The following PCIF1 variants were observed in gnomAD, a reference collection of about 807,000 sequenced individuals.
PCIF1 encodes phosphorylated CTD interacting factor 1.
Under a neutral mutation model 86.9 loss-of-function variants are expected in PCIF1, and 12 were observed. The observed-to-expected ratio is 0.14, with a 90% CI of 0.09 to 0.22. PCIF1 has a LOEUF of 0.22. PCIF1 is among the 10% of genes least tolerant of loss of function. The pLI is 1.00. For missense variants in PCIF1, 701 were observed against 951.1 expected (o/e 0.74, Z 3.46); for synonymous variants, 397 against 372.0 (o/e 1.07, Z -0.77).
Position 45,947,946 on chromosome 20 carries a change from T to C in PCIF1, c.*191T>C. ...CAAGTCCCATGTATATAGGTCCTGA[T>C]GCCTTCCCAACCCCGCCCCTCACCC... On this transcript the variant is annotated 3_prime_UTR_variant, in exon 17 of 17. Transcript: ENST00000372409. This position sits in a 1 kb window ranked among gnomAD's most constrained non-coding sequence, Gnocchi z 5.4. 1.3e-6 allele frequency: 2 copies of C among 1,533,088 alleles called. No homozygotes were observed. Among genetic ancestry groups the C allele is most frequent in the African/African-American group, 1.4e-5 (1 of 72,968 alleles). The allele number at this position is 1,533,088 out of a possible 1,614,324, so 95.0% of individuals were successfully genotyped here.
chr20:45,940,338 T>C (rs2083458678), intron 4 of PCIF1, 137 bp from the exon 5 acceptor site: 1 of 1,118,700 alleles, frequency 8.9e-7, no homozygotes, highest in Non-Finnish European at 1.2e-6. Context: ...TGGAGCCCAG[T>C]GTTCTCTGCC....
At position 45,947,472 on chromosome 20, in the gene PCIF1, G is replaced by A; in HGVS notation, c.1883+34G>A. Reference sequence around the variant, plus strand: ...CAGGGAGGGCAGGGGAAGGAGGCTGGGCTGGCCAGGCCAGGCCCAGCCCCA... The same window carrying A: ...CAGGGAGGGCAGGGGAAGGAGGCTGAGCTGGCCAGGCCAGGCCCAGCCCCA... On this transcript the variant is annotated intron_variant, in intron 16 of 16. Coordinates refer to ENST00000372409, the MANE Select transcript of PCIF1 (RefSeq NM_022104.4). This position sits in a 1 kb window ranked among gnomAD's most constrained non-coding sequence, Gnocchi z 5.4. 1 of 1,613,226 alleles carries A rather than the reference G, an allele frequency of 6.2e-7. No individual in the cohort carries two copies. Among genetic ancestry groups the A allele is most frequent in the Non-Finnish European group, 8.5e-7 (1 of 1,179,882 alleles).
At position 45,937,554 on chromosome 20, in the gene PCIF1, G is replaced by C. The variant is rs146906657; in HGVS notation, c.-51G>C. On this transcript the variant is annotated 5_prime_UTR_variant, in exon 2 of 17. Transcript: ENST00000372409. ...GGGTCCATCCGGCTGGAGAAGAAAA[G>C]CCTCTCATGCTAACGTTGCAGACCC... 1.0e-5 allele frequency: 4 copies of C among 399,046 alleles called. No homozygotes were observed. In the East Asian group the frequency reaches 1.4e-4, roughly 14 times the overall value. The allele number at this position is 399,046 out of a possible 1,614,324, so 24.7% of individuals were successfully genotyped here.
chr20:45,942,636 A>G (rs1241481019), intron 7 of PCIF1, among the ~76,000 whole-genome samples: 2 of 151,122 alleles, frequency 1.3e-5, no homozygotes, highest in Admixed American at 6.6e-5. Flanking sequence ...TTCTTTTGAA[A>G]CAAGGTCTCG....
chr20:45,947,063 C>A lies in PCIF1; in HGVS notation c.1614-10C>A. On this transcript the variant is annotated splice_polypyrimidine_tract_variant and intron_variant, in intron 14 of 16. Transcript: ENST00000372409. This position sits in a 1 kb window ranked among gnomAD's most constrained non-coding sequence, Gnocchi z 5.4. ...CTGATGGGACTTAGAATGCTCACTC[C>A]TGTCCCCAGGCCCTGCCTAGACTTT... 6.2e-7 allele frequency: 1 copy of A among 1,602,994 alleles called. No individual in the cohort carries two copies. Among genetic ancestry groups the A allele is most frequent in the Non-Finnish European group, 8.5e-7 (1 of 1,171,776 alleles).
Position 45,947,890 on chromosome 20 carries a change from C to T in PCIF1, c.*135C>T, listed in dbSNP as rs2083549767. ...GTTCTGCCAGGGCTCCCCTCCCTGC[C>T]TGTCCCCAAGTCCTCACCTCAAACT... On this transcript the variant is annotated 3_prime_UTR_variant, in exon 17 of 17. Coordinates refer to ENST00000372409, the MANE Select transcript of PCIF1 (RefSeq NM_022104.4). This position sits in a 1 kb window ranked among gnomAD's most constrained non-coding sequence, Gnocchi z 5.4. 2.6e-6 allele frequency: 4 copies of T among 1,532,826 alleles called. No individual in the cohort carries two copies. The highest frequency in any genetic ancestry group is 3.5e-6 in the Non-Finnish European group (4 of 1,146,422). The allele number at this position is 1,532,826 out of a possible 1,614,324, so 95.0% of individuals were successfully genotyped here.
Position 45,940,466 on chromosome 20 carries a change from CT to C in PCIF1, c.250-8del. On this transcript the variant is annotated splice_polypyrimidine_tract_variant and splice_region_variant and intron_variant, in intron 4 of 16. Coordinates refer to ENST00000372409, the MANE Select transcript of PCIF1 (RefSeq NM_022104.4). ...CCTGGTTGCAACTCTGCTGGTCTCC[CT>C]CCACCAGTCGGACCCTTTGGGGCTG... 1 of 1,590,906 alleles carries C rather than the reference CT, an allele frequency of 6.3e-7. No homozygotes were observed. The highest frequency in any genetic ancestry group is 8.6e-7 in the Non-Finnish European group (1 of 1,167,414).
In PCIF1 at chr20:45,945,748, G is replaced by T; in HGVS notation, c.1206G>T (p.Val402=). ...CCCCTGAGGTGGAGCCCCGCCTAGT[G>T]TACTGCTACCCAGTCCGGCTGGCTG... ...VEAPEVEPRL[V]YCYPVRLAVS... is the part of the protein sequence containing the mutation. The change falls in exon 12 of 17, where the codon GTG becomes GTT. Residue 402 remains valine (V), a synonymous_variant. Coordinates refer to ENST00000372409, the MANE Select transcript of PCIF1 (RefSeq NM_022104.4). 1.2e-6 allele frequency: 2 copies of T among 1,613,932 alleles called. No individual in the cohort carries two copies. The highest frequency in any genetic ancestry group is 1.7e-6 in the Non-Finnish European group (2 of 1,180,034).
rs2083498637 is a variant in PCIF1 at position 45,943,923 on chromosome 20, T to C, written c.1005+158T>C. Among the ~76,000 whole-genome samples the C allele has an allele frequency of 6.6e-6, 1 of 152,154 alleles. No individual in the cohort carries two copies. The highest frequency in any genetic ancestry group is 2.4e-5 in the African/African-American group (1 of 41,426). On this transcript the variant is annotated intron_variant, in intron 10 of 16. Transcript: ENST00000372409. This position sits in a 1 kb window ranked among gnomAD's most constrained non-coding sequence, Gnocchi z 5.5. ...CGACATTCGTCAGTCCCCAAACTCA[T>C]GACTGTGGAGATGTTTCTCTGGGCT... is the stretch of plus-strand genomic sequence containing the variant.
intron 7 of PCIF1, 100 bp downstream of exon 7, chr20:45,941,307 G>A (rs2083467917): frequency 1.4e-6 from 2 of 1,405,876 alleles, no homozygotes; most frequent in African/African-American, 2.9e-5. Context: ...GGGGCCCAGT[G>A]GTGAGCCATG....
chr20:45,936,873 A>G (rs1600499356), intron 1 of PCIF1, among the ~76,000 whole-genome samples: 1 of 152,218 alleles, frequency 6.6e-6, no homozygotes. Flanking sequence ...GGTTGCAGTG[A>G]GTCGAGATCG....
Position 45,943,248 on chromosome 20 carries a change from C to A in PCIF1, c.821+4C>A. On this transcript the variant is annotated splice_donor_region_variant and intron_variant, in intron 8 of 16. Coordinates refer to ENST00000372409, the MANE Select transcript of PCIF1 (RefSeq NM_022104.4). The surrounding 1 kb of genome is among the most constrained non-coding windows in gnomAD (Gnocchi z 5.5). ...TCATGAACGACATTCCTATCAGGTA[C>A]AGCTCCACAGCTGGGGATGACCCTG... 1 of 1,614,204 alleles carries A rather than the reference C, an allele frequency of 6.2e-7. No homozygotes were observed.
At chr20:45,938,615 G>A (rs1341771164) in intron 2 of PCIF1, among the ~76,000 whole-genome samples, 1 of 152,206 alleles carries the variant, frequency 6.6e-6, no homozygotes, top group Non-Finnish European at 1.5e-5. Flanking sequence ...GACAAACCCA[G>A]CTGATAGATG....
At position 45,939,387 on chromosome 20, in the gene PCIF1, C is replaced by T. The variant is rs1046810482; in HGVS notation, c.249+48C>T. The T allele has an allele frequency of 5.6e-6, 9 of 1,607,338 alleles. 1 individual carries two copies. The South Asian group carries it at 9.9e-5, about 18-fold the overall frequency. On this transcript the variant is annotated intron_variant, in intron 4 of 16. Coordinates refer to ENST00000372409, the MANE Select transcript of PCIF1 (RefSeq NM_022104.4). The stretch of plus-strand genomic sequence containing the variant: ...GGGGTCTCAGAGTGGCCTCTGGCAC[C>T]TGGGCCTTCCCCAAATGTACCCTGA...
At chr20:45,945,965 A>C (rs1249369481) in intron 12 of PCIF1, 64 bp from the exon 13 acceptor site, 11 of 1,612,810 alleles carry the variant, frequency 6.8e-6, no homozygotes, top group East Asian at 4.5e-5. Context: ...CCCCAGCAGG[A>C]GGCCAGTGAT....
At chr20:45,939,659 G>T (rs1406532400) in intron 4 of PCIF1, among the ~76,000 whole-genome samples, 1 of 152,248 alleles carries the variant, frequency 6.6e-6, no homozygotes, top group African/African-American at 2.4e-5. Flanking sequence ...CTTGTGGTCC[G>T]TGTATGAGGA....
rs1237231691 is a variant in PCIF1 at position 45,940,557 on chromosome 20, G to A, written c.332G>A (p.Arg111Lys). 6.2e-7 allele frequency: 1 copy of A among 1,609,176 alleles called. No homozygotes were observed. The highest frequency in any genetic ancestry group is 1.3e-5 in the African/African-American group (1 of 74,904). Residue 111 changes from arginine (R) to lysine (K), a missense_variant, in exon 5 of 17, where the codon AGA (arginine) becomes AAA (lysine). Arg to Lys is a conservative substitution (Grantham distance 26). This residue lies in a region of PCIF1 where 125 missense variants were observed against 126.8 expected (regional missense o/e 0.99). Transcript: ENST00000372409. ...ACTCCCCCGGCTGAGAACAAGCCCA[G>A]AAAGCGGCAGCTCTCGGAAGAGCAG... ...VETPPAENKPRKRQLSEEQPS... is the reference protein window; with the variant it reads ...VETPPAENKPKKRQLSEEQPS...
At chr20:45,937,239 A>G (rs1300184328) in intron 1 of PCIF1, among the ~76,000 whole-genome samples, 179 bp from the exon 2 acceptor site, 3 of 152,198 alleles carry the variant, frequency 2.0e-5, no homozygotes, top group African/African-American at 7.2e-5. Context: ...ATGCCCATGA[A>G]AGCAAACCTA....
rs148361036 is a variant in PCIF1, at chr20:45,940,572, C to T, written c.347C>T (p.Ser116Leu). The T allele has an allele frequency of 1.2e-4, 195 of 1,610,044 alleles. 1 individual carries two copies. The highest frequency in any genetic ancestry group is 3.3e-4 in the Middle Eastern group (2 of 6,056). The change falls in exon 5 of 17, where the codon TCG (serine) becomes TTG (leucine). Residue 116 changes from serine to leucine, a missense_variant. Physicochemically the swap from Ser to Leu is moderately radical, Grantham distance 145. This residue lies in a region of PCIF1 where 125 missense variants were observed against 126.8 expected (regional missense o/e 0.99). Coordinates refer to ENST00000372409, the MANE Select transcript of PCIF1 (RefSeq NM_022104.4). Reference protein sequence around the residue: ...AENKPRKRQLSEEQPSGNGVK... With the variant: ...AENKPRKRQLLEEQPSGNGVK... ...AACAAGCCCAGAAAGCGGCAGCTCT[C>T]GGAAGAGCAGCCAAGCGGCAATGGT...
Sources: gnomAD v4.1 joint callset for allele counts (sites outside exome capture counted in the v4.1 genomes callset) on GRCh38, gnomAD v4.1.1 for gene constraint, gnomAD v4.1.1 regional missense constraint, Gnocchi (gnomAD v3.1) non-coding constraint, MANE v1.5 for transcripts, NCBI Gene and HGNC (gene_info 2026-07-23, HGNC 2026-07-21) for gene names.